The following RHPN1 variants were observed in gnomAD, a reference collection of about 807,000 sequenced individuals.
RHPN1 encodes the protein rhophilin-1.
Under a neutral mutation model 74.7 loss-of-function variants are expected in RHPN1, and 77 were observed. The ratio of observed to expected loss-of-function variants is 1.03; its 90% confidence interval spans 0.86 to 1.25. The LOEUF (loss-of-function observed/expected upper bound fraction) is 1.25, where lower values mean the gene tolerates loss of function less well. Ranked by LOEUF, RHPN1 falls within the 50% of genes most tolerant of loss-of-function variation. RHPN1 has a pLI of 0.00. For synonymous variants in RHPN1, 444 were observed against 414.5 expected (o/e 1.07, Z -0.87); for missense variants, 987 against 932.2 (o/e 1.06, Z -0.77).
chr8:143,379,211 A>G (rs926779074), intron 7 of RHPN1, 104 bp from the exon 8 acceptor site: 9 of 1,392,008 alleles, frequency 6.5e-6, no homozygotes, highest in South Asian at 1.5e-5. Context: ...CATCAGGTCC[A>G]TATGTGTCCC....
intron 1 of RHPN1, 73 bp from the exon 2 acceptor site, chr8:143,375,480 C>T: frequency 1.9e-6 from 2 of 1,028,958 alleles, no homozygotes; most frequent in Non-Finnish European, 2.8e-6. Flanking sequence ...GCACTCCTCT[C>T]AGTGGCTGGC....
At chr8:143,380,304 C>A in intron 10 of RHPN1, 129 bp downstream of exon 10, 1 of 731,822 alleles carries the variant, frequency 1.4e-6, no homozygotes. Flanking sequence ...ACCTACCTAT[C>A]CCTGGATGGC....
chr8:143,382,288 C>T (rs1264680443), intron 14 of RHPN1, 148 bp from the exon 15 acceptor site: 26 of 722,220 alleles, frequency 3.6e-5, no homozygotes, highest in Admixed American at 7.7e-5. Flanking sequence ...CCCATGGGCC[C>T]CTGCTATGTG....
chr8:143,378,332 G>T lies in RHPN1; in HGVS notation c.445G>T (p.Glu149Ter), dbSNP rs1303318907. 1 of 1,555,138 alleles carries T rather than the reference G, an allele frequency of 6.4e-7. No homozygotes were observed. ...CTACGAGGCAGAAATCAGGGAGCTG[G>T]AGGCCCTGCGGCAGGTGTGTGGTTC... Reference protein sequence around the residue: ...ASYEAEIRELEALRQAMRTPS... With the variant: ...ASYEAEIREL The change falls in exon 5 of 15, where the codon GAG becomes TAG. Residue 149 changes from glutamate to a stop codon, truncating the protein, a stop_gained. Coordinates refer to ENST00000289013, the MANE Select transcript of RHPN1 (RefSeq NM_052924.3). LOFTEE classifies it high-confidence loss of function.
chr8:143,365,513 T>C (rs1380251189), upstream of RHPN1, among the ~76,000 whole-genome samples: 4 of 151,924 alleles, frequency 2.6e-5, no homozygotes, highest in Non-Finnish European at 4.4e-5. Context: ...CTGTGAGGAG[T>C]CCTGGCTTCC....
Position 143,381,675 on chromosome 8 carries a change from C to T in RHPN1, c.1592C>T (p.Ser531Leu), listed in dbSNP as rs1818741023. The T allele has an allele frequency of 1.9e-6, 3 of 1,611,648 alleles. No homozygotes were observed. The highest frequency in any genetic ancestry group is 2.7e-5 in the African/African-American group (2 of 75,058). Residue 531 changes from serine to leucine, a missense_variant, in exon 13 of 15, where the codon TCG becomes TTG. Transcript: ENST00000289013. The part of the protein sequence containing the change: ...GGFGLTLRGD[S>L]PVLIAAVIPG... ...TTTGGCCTCACGCTTCGGGGAGACT[C>T]GCCTGTCCTCATCGCTGCCGTCATT...
Position 143,379,895 on chromosome 8 carries a change from G to A in RHPN1, c.1012G>A (p.Val338Ile), listed in dbSNP as rs755448274. 1 of 1,608,980 alleles carries A rather than the reference G, an allele frequency of 6.2e-7. No homozygotes were observed. ...GCCACCCGTCCACGACTACGTGCCT[G>A]TCTCCTGGACTGCCCTGGTGCATGT... ...AQPPVHDYVP[V>I]SWTALVHVKA... The change falls in exon 9 of 15, where the codon GTC becomes ATC. Residue 338 changes from valine to isoleucine, a missense_variant. By Grantham distance (29) the Val-to-Ile change is conservative. Coordinates refer to ENST00000289013, the MANE Select transcript of RHPN1 (RefSeq NM_052924.3).
chr8:143,369,040 G>A lies in RHPN1; in HGVS notation c.53G>A (p.Arg18Gln), dbSNP rs1198932955. 6.7e-7 allele frequency: 1 copy of A among 1,493,726 alleles called. No homozygotes were observed. 92.5% of individuals were successfully genotyped at this position (1,493,726 alleles called of 1,614,324 possible). ...DGAGAGEESP[R>Q]LQGCDSLTQI... is the part of the protein sequence containing the mutation. ...GCGGGCGCCGGCGAGGAGAGCCCGC[G>A]GCTGCAGGTGCGCAGAACTGGCGCG... Residue 18 changes from arginine to glutamine, a missense_variant, in exon 1 of 15, where the codon CGG becomes CAG. Physicochemically the swap from Arg to Gln is conservative, Grantham distance 43. Coordinates refer to ENST00000289013, the MANE Select transcript of RHPN1 (RefSeq NM_052924.3).
At chr8:143,367,075 C>T (rs899125572), upstream of RHPN1, 3 of 152,164 alleles carry the variant, frequency 2.0e-5, no homozygotes, top group Non-Finnish European at 4.4e-5. Context: ...GGGTGAAGGT[C>T]TCATGTAGCC....
Position 143,379,868 on chromosome 8 carries a change from C to A in RHPN1, c.985C>A (p.Gln329Lys). 1 of 1,610,984 alleles carries A rather than the reference C, an allele frequency of 6.2e-7. No individual in the cohort carries two copies. The highest frequency in any genetic ancestry group is 8.5e-7 in the Non-Finnish European group (1 of 1,179,172). The change falls in exon 9 of 15, where the codon CAG becomes AAG. Residue 329 changes from glutamine (Q) to lysine (K), a missense_variant. Coordinates refer to ENST00000289013, the MANE Select transcript of RHPN1 (RefSeq NM_052924.3). ...CAGGCTAGTGCACCGGACCATGGCC[C>A]AGCCACCCGTCCACGACTACGTGCC... is the stretch of plus-strand genomic sequence containing the variant. The part of the protein sequence containing the change: ...EYRLVHRTMA[Q>K]PPVHDYVPVS...
Position 143,382,691 on chromosome 8 carries a change from G to A in RHPN1, c.*40G>A. The A allele has an allele frequency of 6.5e-7, 1 of 1,548,236 alleles. No individual in the cohort carries two copies. Among genetic ancestry groups the A allele is most frequent in the South Asian group, 1.1e-5 (1 of 87,126 alleles). ...GCACGCCTCAGCCCTGGCTCCAGCT[G>A]GCAGCAAGCACCGAGCATGCCCTCC... On this transcript the variant is annotated 3_prime_UTR_variant, in exon 15 of 15. Coordinates refer to ENST00000289013, the MANE Select transcript of RHPN1 (RefSeq NM_052924.3).
rs201633431 is a variant in RHPN1 at position 143,381,666 on chromosome 8, G to C, written c.1583G>C (p.Arg528Pro). 1.2e-6 allele frequency: 2 copies of C among 1,611,522 alleles called. No individual in the cohort carries two copies. Among genetic ancestry groups the C allele is most frequent in the South Asian group, 1.1e-5 (1 of 91,026 alleles). The change falls in exon 13 of 15, where the codon CGG becomes CCG. Residue 528 changes from arginine (R) to proline (P), a missense_variant. Coordinates refer to ENST00000289013, the MANE Select transcript of RHPN1 (RefSeq NM_052924.3). ...GAGGGCGGCTTTGGCCTCACGCTTC[G>C]GGGAGACTCGCCTGTCCTCATCGCT... is the stretch of plus-strand genomic sequence containing the variant. ...RGEGGFGLTL[R>P]GDSPVLIAAV...
At position 143,378,366 on chromosome 8, in the gene RHPN1, A is replaced by ACC; in HGVS notation, c.459+22_459+23dup. On this transcript the variant is annotated intron_variant, in intron 5 of 14. Transcript: ENST00000289013. Reference sequence around the variant, plus strand: ...CGGCAGGTGTGTGGTTCCCCCGCCCACCCACCCTCCTGCAGCCCTGGGAGA... The same window carrying ACC: ...CGGCAGGTGTGTGGTTCCCCCGCCCACCCCCACCCTCCTGCAGCCCTGGGAGA... The ACC allele has an allele frequency of 1.5e-6, 1 of 678,642 alleles. No individual in the cohort carries two copies. 42.0% of individuals were successfully genotyped at this position (678,642 alleles called of 1,614,324 possible).
At chr8:143,370,254 G>A (rs992744310) in intron 1 of RHPN1, among the ~76,000 whole-genome samples, 3 of 152,206 alleles carry the variant, frequency 2.0e-5, no homozygotes, top group Non-Finnish European at 2.9e-5. Context: ...GGAAAGTTGG[G>A]GAGAAGCTGT....
chr8:143,375,172 C>T (rs975921413), intron 1 of RHPN1, among the ~76,000 whole-genome samples: 10 of 152,162 alleles, frequency 6.6e-5, no homozygotes, highest in Non-Finnish European at 1.2e-4. Flanking sequence ...AATCCAGAAG[C>T]GCAGAAGGAA....
At chr8:143,368,700 A>T (rs1205644552), upstream of RHPN1, among the ~76,000 whole-genome samples, 1 of 151,858 alleles carries the variant, frequency 6.6e-6, no homozygotes, top group Admixed American at 6.5e-5. Context: ...GGGCGGGCGG[A>T]GCTGGCCGTC....
Position 143,378,998 on chromosome 8 carries a change from A to G in RHPN1, c.671A>G (p.His224Arg). The G allele has an allele frequency of 6.4e-7, 1 of 1,553,102 alleles. No individual in the cohort carries two copies. Among genetic ancestry groups the G allele is most frequent in the Non-Finnish European group, 8.7e-7 (1 of 1,148,718 alleles). ...GSVLFNIGAL[H>R]TQIGARQDRS... ...GTTCTCTTCAACATCGGTGCCCTCC[A>G]CACGCAGATTGGGGCGCGCCAGGAC... The change falls in exon 7 of 15, where the codon CAC becomes CGC. Residue 224 changes from histidine (H) to arginine (R), a missense_variant. Physicochemically the swap from His to Arg is conservative, Grantham distance 29. Coordinates refer to ENST00000289013, the MANE Select transcript of RHPN1 (RefSeq NM_052924.3).
Position 143,380,165 on chromosome 8 carries a change from C to T in RHPN1, c.1206C>T (p.Arg402=). The change falls in exon 10 of 15, where the codon CGC becomes CGT. Residue 402 remains arginine (R), a synonymous_variant. Transcript: ENST00000289013. ...GPVLPQELEE[R]RQLGKAHLKR... is the part of the protein sequence containing the mutation. ...TGCTGCCGCAGGAGCTGGAGGAGCGCAGGCAGCTTGGTAAGGCGCCCATGG... is the reference window on the plus strand; with the variant it reads ...TGCTGCCGCAGGAGCTGGAGGAGCGTAGGCAGCTTGGTAAGGCGCCCATGG... The T allele has an allele frequency of 1.3e-6, 2 of 1,542,262 alleles. No homozygotes were observed. The highest frequency in any genetic ancestry group is 2.4e-5 in the East Asian group (1 of 40,918).
rs1233912266 is a variant in RHPN1, at chr8:143,382,534, G to A, written c.1896G>A (p.Arg632=). ...CGGCATCCACGTGGGCCAGTCCCCG[G>A]CCCCTCCTCAACTGGAGCCGAAAGG... ...KTPASTWASP[R]PLLNWSRKAQ... Residue 632 remains arginine (R), a synonymous_variant, in exon 15 of 15, where the codon CGG becomes CGA. Transcript: ENST00000289013. 6.2e-7 allele frequency: 1 copy of A among 1,611,148 alleles called. No individual in the cohort carries two copies.
Sources: gnomAD v4.1 joint callset for allele counts (sites outside exome capture counted in the v4.1 genomes callset) on GRCh38, gnomAD v4.1.1 for gene constraint, MANE v1.5 for transcripts, NCBI Gene and HGNC (gene_info 2026-07-23, HGNC 2026-07-21) for gene names.